The following AP5M1 variants were observed in gnomAD, a reference collection of about 807,000 sequenced individuals.
AP5M1 encodes adaptor related protein complex 5 subunit mu 1.
Under a neutral mutation model 52.3 loss-of-function variants are expected in AP5M1, and 44 were observed. The ratio of observed to expected loss-of-function variants is 0.84; its 90% confidence interval spans 0.66 to 1.08. The LOEUF is 1.08. Ranked by LOEUF, AP5M1 falls within the 50% of genes least tolerant of loss-of-function variation. AP5M1 has a pLI of 0.00. For synonymous variants in AP5M1, 213 were observed against 199.0 expected, an observed-to-expected ratio of 1.07 and a Z score of -0.59; for missense variants, 526 against 568.4, an observed-to-expected ratio of 0.93 and a Z score of 0.76.
At chr14:57,271,908 C>T (rs1884904521) in intron 1 of AP5M1, among the ~76,000 whole-genome samples, 1 of 152,124 alleles carries the variant, frequency 6.6e-6, no homozygotes, top group South Asian at 2.1e-4. Context: ...AGCAGTATGT[C>T]ATGTCTTCAT....
intron 1 of AP5M1, among the ~76,000 whole-genome samples, chr14:57,270,769 G>T (rs138778176): frequency 2.6e-5 from 4 of 152,040 alleles, no homozygotes; most frequent in Non-Finnish European, 4.4e-5. Flanking sequence ...TAACATCTTC[G>T]ATGTTACTCT....
rs1165767319 is a variant in AP5M1 at position 57,289,498 on chromosome 14, A to G, written c.*614A>G. 8.6e-5 allele frequency: 13 copies of G among 151,994 alleles called. No homozygotes were observed. The highest frequency in any genetic ancestry group is 7.9e-4 in the Admixed American group (12 of 15,210). The allele number at this position is 151,994 out of a possible 1,614,324, so 9.4% of individuals were successfully genotyped here. A position where few individuals can be genotyped will look rare whatever the true frequency, so the allele number is the denominator to read the frequency against. ...AATCAGAACTATCCTATTGACTAAT[A>G]AATAATCTGCATAATTCTACTTAAG... On this transcript the variant is annotated 3_prime_UTR_variant, in exon 8 of 8. Coordinates refer to ENST00000261558, the MANE Select transcript of AP5M1 (RefSeq NM_018229.4).
chr14:57,291,283 C>G lies in AP5M1; in HGVS notation c.*2399C>G, dbSNP rs1158854427. ...GATAGTGTCAGACCTTCTCTAGATGCAAAATTGCTAAATTCCCTTTTAGTG... is the reference window on the plus strand; with the variant it reads ...GATAGTGTCAGACCTTCTCTAGATGGAAAATTGCTAAATTCCCTTTTAGTG... On this transcript the variant is annotated 3_prime_UTR_variant, in exon 8 of 8. Transcript: ENST00000261558. 6.6e-6 allele frequency: 1 copy of G among 151,686 alleles called. No homozygotes were observed. Among genetic ancestry groups the G allele is most frequent in the Admixed American group, 6.6e-5 (1 of 15,194 alleles). The allele number at this position is 151,686 out of a possible 1,614,324, so 9.4% of individuals were successfully genotyped here. A position where few individuals can be genotyped will look rare whatever the true frequency, so the allele number is the denominator to read the frequency against.
intron 6 of AP5M1, among the ~76,000 whole-genome samples, chr14:57,283,584 T>A (rs184977892): frequency 2.4e-4 from 37 of 152,204 alleles, no homozygotes; most frequent in Non-Finnish European, 5.1e-4. Flanking sequence ...TGCGACCAGA[T>A]CTCTTTTAAA....
chr14:57,273,000 C>T (rs920443188), intron 1 of AP5M1, among the ~76,000 whole-genome samples: 5 of 151,884 alleles, frequency 3.3e-5, no homozygotes, highest in African/African-American at 1.2e-4. Context: ...AATCTCGGCT[C>T]GGCTCGGCTC....
chr14:57,286,609 T>C (rs1328841444), intron 7 of AP5M1: 1 of 241,076 alleles, frequency 4.1e-6, no homozygotes, highest in Non-Finnish European at 8.0e-6. Context: ...TCACAGAGAC[T>C]GTGATGTTGG....
chr14:57,271,613 T>G (rs974667807), intron 1 of AP5M1, among the ~76,000 whole-genome samples: 3 of 147,216 alleles, frequency 2.0e-5, no homozygotes, highest in Non-Finnish European at 4.4e-5. Context: ...ACAGATATTT[T>G]CTTTAATTTA....
Position 57,293,142 on chromosome 14 carries a change from C to T in AP5M1, c.*4258C>T, listed in dbSNP as rs1021100462. 1.3e-5 allele frequency: 2 copies of T among 151,626 alleles called. No homozygotes were observed. The highest frequency in any genetic ancestry group is 3.4e-3 in the Middle Eastern group (1 of 292). 9.4% of individuals were successfully genotyped at this position (151,626 alleles called of 1,614,324 possible). A position where few individuals can be genotyped will look rare whatever the true frequency, so the allele number is the denominator to read the frequency against. On this transcript the variant is annotated 3_prime_UTR_variant, in exon 8 of 8. Transcript: ENST00000261558. ...AGGTAATGTTTCATGGTAGGTTTCT[C>T]AATTTGCTGTTTAAAACTGTTTCAA...
rs1227962081 is a variant in AP5M1 at position 57,292,367 on chromosome 14, A to G, written c.*3483A>G. On this transcript the variant is annotated 3_prime_UTR_variant, in exon 8 of 8. Coordinates refer to ENST00000261558, the MANE Select transcript of AP5M1 (RefSeq NM_018229.4). ...AGTTACCTCGTTCTGACAAAGTGCA[A>G]CTGAGATTAGGGAGATCACTAGAAC... is the stretch of plus-strand genomic sequence containing the variant. 6.6e-6 allele frequency: 1 copy of G among 151,772 alleles called. No individual in the cohort carries two copies. The highest frequency in any genetic ancestry group is 1.5e-5 in the Non-Finnish European group (1 of 67,804). 9.4% of individuals were successfully genotyped at this position (151,772 alleles called of 1,614,324 possible). A position where few individuals can be genotyped will look rare whatever the true frequency, so the allele number is the denominator to read the frequency against.
At chr14:57,275,924 T>A (rs998084354) in intron 2 of AP5M1, among the ~76,000 whole-genome samples, 3 of 152,216 alleles carry the variant, frequency 2.0e-5, no homozygotes, top group African/African-American at 7.2e-5. Flanking sequence ...TTTATTTTTC[T>A]ATCTTCCTTT....
At position 57,291,239 on chromosome 14, in the gene AP5M1, A is replaced by G. The variant is rs921289599; in HGVS notation, c.*2355A>G. The G allele has an allele frequency of 6.6e-6, 1 of 151,936 alleles. No individual in the cohort carries two copies. The highest frequency in any genetic ancestry group is 2.4e-5 in the African/African-American group (1 of 41,410). 9.4% of individuals were successfully genotyped at this position (151,936 alleles called of 1,614,324 possible). ...GCGTTTGCAGTGAATATGAGCAACT[A>G]CTTCCAGTGAAAGATTTGGATAGTG... On this transcript the variant is annotated 3_prime_UTR_variant, in exon 8 of 8. Transcript: ENST00000261558.
At position 57,280,043 on chromosome 14, in the gene AP5M1, T is replaced by C. The variant is rs189696110; in HGVS notation, c.721-152T>C. 7.9e-4 allele frequency: 526 copies of C among 668,438 alleles called. 3 individuals are homozygous for C. The highest frequency in any genetic ancestry group is 6.6e-3 in the Middle Eastern group (26 of 3,938). 41.4% of individuals were successfully genotyped at this position (668,438 alleles called of 1,614,324 possible). A position where few individuals can be genotyped will look rare whatever the true frequency, so the allele number is the denominator to read the frequency against. ...CTGGCTTGGGTGTCTAAGAACATGA[T>C]AAAACCATTAATAAGAACACAGAAA... On this transcript the variant is annotated intron_variant, in intron 2 of 7. Transcript: ENST00000261558.
chr14:57,276,908 T>A (rs1885052889), intron 2 of AP5M1, among the ~76,000 whole-genome samples: 1 of 152,206 alleles, frequency 6.6e-6, no homozygotes, highest in African/African-American at 2.4e-5. Context: ...CAAACATTCT[T>A]TAAGTACTTC....
intron 1 of AP5M1, among the ~76,000 whole-genome samples, chr14:57,270,064 C>T (rs1884847691): frequency 6.6e-6 from 1 of 152,214 alleles, no homozygotes; most frequent in African/African-American, 2.4e-5. Context: ...CGCCTTGGCT[C>T]TCAAAGTGCT....
rs114277301 is a variant in AP5M1, at chr14:57,277,289, C to T, written c.720+2400C>T. Among the ~76,000 whole-genome samples the T allele has an allele frequency of 2.1e-3, 325 of 152,170 alleles. 2 individuals are homozygous for T. Among genetic ancestry groups the T allele is most frequent in the African/African-American group, 7.3e-3 (303 of 41,542 alleles). Reference sequence around the variant, plus strand: ...ATTTTAAGTGTGCAGATAGATTCATCGGCAGGTTCCATGATGGTTGATCTT... The same window carrying T: ...ATTTTAAGTGTGCAGATAGATTCATTGGCAGGTTCCATGATGGTTGATCTT... On this transcript the variant is annotated intron_variant, in intron 2 of 7. Transcript: ENST00000261558.
rs951010078 is a variant in AP5M1, at chr14:57,297,109, A to G, written c.*8225A>G. 6.6e-6 allele frequency: 1 copy of G among 152,094 alleles called. No individual in the cohort carries two copies. The highest frequency in any genetic ancestry group is 1.5e-5 in the Non-Finnish European group (1 of 67,998). 9.4% of individuals were successfully genotyped at this position (152,094 alleles called of 1,614,324 possible). A position where few individuals can be genotyped will look rare whatever the true frequency, so the allele number is the denominator to read the frequency against. On this transcript the variant is annotated 3_prime_UTR_variant, in exon 8 of 8. Coordinates refer to ENST00000261558, the MANE Select transcript of AP5M1 (RefSeq NM_018229.4). ...AATAAAGATTATAGTAAGTATATTCATGAGAGAGAATTTTTTTTGCCTCCA... is the reference window on the plus strand; with the variant it reads ...AATAAAGATTATAGTAAGTATATTCGTGAGAGAGAATTTTTTTTGCCTCCA...
intron 6 of AP5M1, 79 bp downstream of exon 6, chr14:57,283,309 G>A (rs948261197): frequency 2.5e-6 from 2 of 805,218 alleles, no homozygotes; most frequent in East Asian, 2.7e-5. Context: ...GATTTTTAAT[G>A]TTTTCCACCA....
At chr14:57,275,052 T>C (rs1353666400) in intron 2 of AP5M1, 163 bp downstream of exon 2, 1 of 705,474 alleles carries the variant, frequency 1.4e-6, no homozygotes, top group Non-Finnish European at 2.3e-6. Flanking sequence ...TTGCATTCCT[T>C]ACCAATTATA....
chr14:57,296,917 C>T lies in AP5M1; in HGVS notation c.*8033C>T, dbSNP rs927970503. ...CTCCTGCAGTGTATTAGCATTGTAG[C>T]GTAGGAGACTATTTCTGTATGTTAT... On this transcript the variant is annotated 3_prime_UTR_variant, in exon 8 of 8. Coordinates refer to ENST00000261558, the MANE Select transcript of AP5M1 (RefSeq NM_018229.4). 3.3e-5 allele frequency: 5 copies of T among 151,942 alleles called. No individual in the cohort carries two copies. Among genetic ancestry groups the T allele is most frequent in the East Asian group, 1.9e-4 (1 of 5,174 alleles). 9.4% of individuals were successfully genotyped at this position (151,942 alleles called of 1,614,324 possible).
Sources: allele counts gnomAD v4.1 joint callset (sites outside exome capture counted in the v4.1 genomes callset), GRCh38; gene constraint gnomAD v4.1.1; transcripts MANE v1.5; gene names NCBI Gene and HGNC (gene_info 2026-07-23, HGNC 2026-07-21).